Variants in TMEM117 observed in about 807,000 individuals in gnomAD.
TMEM117 encodes transmembrane protein 117.
Under a neutral mutation model 52.4 loss-of-function variants are expected in TMEM117, and 27 were observed. The observed-to-expected ratio is 0.51, with a 90% CI of 0.38 to 0.71. TMEM117 has a LOEUF of 0.71. TMEM117 is among the 30% of genes least tolerant of loss of function. The probability of loss-of-function intolerance (pLI) is 0.00; values close to 1 mark genes in which losing one functional copy is unlikely to be tolerated. For synonymous variants in TMEM117, 215 were observed against 206.3 expected (o/e 1.04, Z -0.36); for missense variants, 556 against 630.5 (o/e 0.88, Z 1.26).
intron 2 of TMEM117, among the ~76,000 whole-genome samples, chr12:43,902,752 G>A (rs553576487): frequency 6.6e-6 from 1 of 152,210 alleles, no homozygotes; most frequent in East Asian, 1.9e-4. Context: ...ATAGATTAGA[G>A]AACAAGCCAT....
chr12:43,940,092 GT>G (rs1273266448), intron 2 of TMEM117, among the ~76,000 whole-genome samples: 1 of 152,094 alleles, frequency 6.6e-6, no homozygotes, highest in Non-Finnish European at 1.5e-5. Context: ...TGAGATTTGG[GT>G]ATCAACATGA....
intron 4 of TMEM117, among the ~76,000 whole-genome samples, chr12:44,162,954 AATGCAT>A (rs1450230701): frequency 2.6e-5 from 4 of 152,300 alleles, no homozygotes; most frequent in Non-Finnish European, 5.9e-5. Flanking sequence ...ACATTGGAAA[AATGCAT>A]ATGCAAAATT....
rs542557976 is a variant in TMEM117 at position 44,365,851 on chromosome 12, G to A, written c.769-10744G>A. On this transcript the variant is annotated intron_variant, in intron 6 of 7. Coordinates refer to ENST00000266534, the MANE Select transcript of TMEM117 (RefSeq NM_032256.3). ...TACATGTGCCATGTTGGTGTGCTGT[G>A]AAGAGTCCTCAGTAATGTGGAGGGA... 1.6e-3 allele frequency among the ~76,000 whole-genome samples: 239 copies of A among 152,076 alleles called. 3 individuals carry two copies. Among genetic ancestry groups the A allele is most frequent in the African/African-American group, 5.3e-3 (222 of 41,534 alleles).
intron 5 of TMEM117, among the ~76,000 whole-genome samples, chr12:44,290,049 C>G (rs756211455): frequency 5.3e-5 from 8 of 152,020 alleles, no homozygotes; most frequent in Non-Finnish European, 7.4e-5. Flanking sequence ...ATTTTCTAAC[C>G]AGGTTATTTC....
At chr12:43,982,554 T>G (rs1945778390) in intron 3 of TMEM117, among the ~76,000 whole-genome samples, 1 of 152,232 alleles carries the variant, frequency 6.6e-6, no homozygotes, top group Non-Finnish European at 1.5e-5. Flanking sequence ...AATTATTTAA[T>G]CTACTTCCCT....
intron 3 of TMEM117, among the ~76,000 whole-genome samples, chr12:43,957,089 T>C (rs1490834546): frequency 5.3e-5 from 8 of 151,846 alleles, no homozygotes; most frequent in Non-Finnish European, 5.9e-5. Context: ...CACTTATAAG[T>C]GGGAGTTGAA....
intron 5 of TMEM117, among the ~76,000 whole-genome samples, chr12:44,297,973 G>A (rs578261437): frequency 1.3e-5 from 2 of 152,162 alleles, no homozygotes; most frequent in African/African-American, 4.8e-5. Flanking sequence ...TTATATTTTA[G>A]AGGTCGTGAG....
chr12:43,976,113 G>A (rs763934957), intron 3 of TMEM117, among the ~76,000 whole-genome samples: 4 of 152,144 alleles, frequency 2.6e-5, no homozygotes, highest in Non-Finnish European at 2.9e-5. Flanking sequence ...GTATCTCCCC[G>A]AAAAATAGAG....
intron 5 of TMEM117, among the ~76,000 whole-genome samples, chr12:44,294,182 GGT>G (rs1008604252): frequency 1.3e-5 from 2 of 151,884 alleles, no homozygotes; most frequent in Non-Finnish European, 2.9e-5. Flanking sequence ...GTTTTATCAG[GGT>G]ACCCTTCTTT....
At chr12:43,949,653 A>G (rs1480645803) in intron 3 of TMEM117, among the ~76,000 whole-genome samples, 3 of 152,044 alleles carry the variant, frequency 2.0e-5, no homozygotes, top group Non-Finnish European at 4.4e-5. Flanking sequence ...GCTGCGACCA[A>G]TTATTATTTT....
intron 3 of TMEM117, among the ~76,000 whole-genome samples, chr12:44,079,637 T>C (rs1284739352): frequency 6.6e-6 from 1 of 152,120 alleles, no homozygotes; most frequent in African/African-American, 2.4e-5. Flanking sequence ...AAGGCAGATA[T>C]GATTATCTCA....
chr12:43,953,042 C>G lies in TMEM117; in HGVS notation c.410+8700C>G, dbSNP rs117593819. ...ACCCAGAATTTCATATCCAGCCAAA[C>G]TGAGCTTCAAAAGCAAAGGAGAAAT... On this transcript the variant is annotated intron_variant, in intron 3 of 7. Coordinates refer to ENST00000266534, the MANE Select transcript of TMEM117 (RefSeq NM_032256.3). Among the ~76,000 whole-genome samples, 937 of 152,250 alleles carry G rather than the reference C, an allele frequency of 6.2e-3. 7 individuals are homozygous for G. Among genetic ancestry groups the G allele is most frequent in the Non-Finnish European group, 0.011 (715 of 68,020 alleles).
chr12:43,870,701 T>C (rs914556833), intron 2 of TMEM117, among the ~76,000 whole-genome samples: 2 of 152,216 alleles, frequency 1.3e-5, no homozygotes, highest in Non-Finnish European at 2.9e-5. Flanking sequence ...CCACACTCTC[T>C]TCCACAATGG....
intron 6 of TMEM117, among the ~76,000 whole-genome samples, chr12:44,365,359 G>T (rs1242914376): frequency 6.6e-6 from 1 of 151,948 alleles, no homozygotes; most frequent in South Asian, 2.1e-4. Context: ...TTTCATTACA[G>T]ATATAATTTA....
chr12:43,992,179 A>G (rs1592421645), intron 3 of TMEM117, among the ~76,000 whole-genome samples: 1 of 152,192 alleles, frequency 6.6e-6, no homozygotes, highest in Admixed American at 6.5e-5. Context: ...TCTCCAAAAA[A>G]AAAAGGCAAG....
chr12:44,250,346 T>C (rs756657566), intron 5 of TMEM117, among the ~76,000 whole-genome samples: 56 of 152,188 alleles, frequency 3.7e-4, no homozygotes, highest in Non-Finnish European at 7.4e-4. Flanking sequence ...CGGTAGATAC[T>C]GGCGAGGCTG....
intron 3 of TMEM117, among the ~76,000 whole-genome samples, chr12:44,087,626 G>A (rs1477342934): frequency 6.6e-6 from 1 of 151,962 alleles, no homozygotes; most frequent in South Asian, 2.1e-4. Context: ...CCCCACGCCC[G>A]ACCAATTTCC....
intron 5 of TMEM117, among the ~76,000 whole-genome samples, chr12:44,254,311 G>A (rs1950231923): frequency 6.6e-6 from 1 of 151,940 alleles, no homozygotes. Context: ...CTCAGTAGAT[G>A]AGAATCAATC....
chr12:44,343,691 C>T (rs1951447060), intron 6 of TMEM117, among the ~76,000 whole-genome samples: 1 of 152,018 alleles, frequency 6.6e-6, no homozygotes. Context: ...AAATTATACA[C>T]TTAAAAATGA....
Sources: gnomAD v4.1 joint callset for allele counts (sites outside exome capture counted in the v4.1 genomes callset) on GRCh38, gnomAD v4.1.1 for gene constraint, MANE v1.5 for transcripts, NCBI Gene and HGNC (gene_info 2026-07-23, HGNC 2026-07-21) for gene names.